COLGALT2: variants seen among roughly 807,000 people sequenced by gnomAD.
COLGALT2 encodes collagen beta(1-O)galactosyltransferase 2.
COLGALT2 carries 49 observed loss-of-function variants against 73.4 expected under a neutral mutation model. The ratio of observed to expected loss-of-function variants is 0.67; its 90% CI spans 0.53 to 0.85. The LOEUF is 0.85. Ranked by LOEUF, COLGALT2 falls within the 40% of genes least tolerant of loss-of-function variation. The pLI is 0.00. For synonymous variants in COLGALT2, 295 were observed against 307.6 expected, an observed-to-expected ratio of 0.96 and a Z score of 0.43; for missense variants, 722 against 790.2, an observed-to-expected ratio of 0.91 and a Z score of 1.03.
intron 1 of COLGALT2, among the ~76,000 whole-genome samples, chr1:183,985,043 T>C (rs1003097040): frequency 2.0e-5 from 3 of 152,214 alleles, no homozygotes; most frequent in Admixed American, 6.5e-5. Context: ...TCTAAAAACA[T>C]TGACATTTCT....
intron 7 of COLGALT2, 143 bp downstream of exon 7, chr1:183,954,619 A>C (rs1260254790): frequency 2.0e-6 from 1 of 507,584 alleles, no homozygotes; most frequent in Non-Finnish European, 3.6e-6. Flanking sequence ...AAAACCAAGT[A>C]GTTTTCCCAA....
At chr1:184,001,978 C>G (rs1671939786) in intron 1 of COLGALT2, among the ~76,000 whole-genome samples, 1 of 152,266 alleles carries the variant, frequency 6.6e-6, no homozygotes, top group Non-Finnish European at 1.5e-5. Context: ...CTTCCAAGTA[C>G]AGCCTTTGAA....
chr1:183,960,601 C>CGCAT (rs796801853), intron 6 of COLGALT2, among the ~76,000 whole-genome samples: 22 of 152,304 alleles, frequency 1.4e-4, no homozygotes, highest in African/African-American at 5.3e-4. Context: ...TCAGAGAAGA[C>CGCAT]GCATACATTA....
intron 1 of COLGALT2, among the ~76,000 whole-genome samples, chr1:183,980,339 C>T (rs1671315752): frequency 6.6e-6 from 1 of 151,866 alleles, no homozygotes; most frequent in East Asian, 1.9e-4. Flanking sequence ...CTGTAGTTAA[C>T]CTACCTAAGA....
chr1:183,949,477 G>A (rs58001669), intron 8 of COLGALT2, among the ~76,000 whole-genome samples: 2,438 of 152,262 alleles, frequency 0.016, 64 homozygotes, highest in African/African-American at 0.055. Context: ...TTCTACGAGG[G>A]AAACGAAAGT....
intron 10 of COLGALT2, among the ~76,000 whole-genome samples, chr1:183,943,254 C>G (rs1670162002): frequency 1.3e-5 from 2 of 152,182 alleles, no homozygotes; most frequent in African/African-American, 4.8e-5. Context: ...CCTGGGCCCA[C>G]AGTTAAATAC....
chr1:183,980,036 A>G (rs890679769), intron 1 of COLGALT2, among the ~76,000 whole-genome samples: 1 of 152,082 alleles, frequency 6.6e-6, no homozygotes, highest in Non-Finnish European at 1.5e-5. Context: ...TAGTGGAAAA[A>G]TAAATACAAA....
intron 10 of COLGALT2, 40 bp from the exon 11 acceptor site, chr1:183,940,827 T>C: frequency 6.6e-7 from 1 of 1,524,702 alleles, no homozygotes. Flanking sequence ...CCACCTTGAC[T>C]ATTATGCCAT....
intron 1 of COLGALT2, among the ~76,000 whole-genome samples, chr1:183,988,580 A>G (rs981375481): frequency 1.3e-5 from 2 of 152,156 alleles, no homozygotes; most frequent in African/African-American, 4.8e-5. Flanking sequence ...TTATCAATGG[A>G]ATCATATGAT....
chr1:184,017,635 G>C (rs955478069), intron 1 of COLGALT2, among the ~76,000 whole-genome samples: 3 of 152,202 alleles, frequency 2.0e-5, no homozygotes, highest in African/African-American at 7.2e-5. Flanking sequence ...TGATAGAGGG[G>C]AAGTTGGCTA....
intron 1 of COLGALT2, 121 bp downstream of exon 1, chr1:184,036,974 G>T (rs969289409): frequency 4.6e-6 from 4 of 869,156 alleles, no homozygotes; most frequent in Non-Finnish European, 4.5e-6. Context: ...CAGATTTTCC[G>T]CGTGCCCCCC....
Position 184,011,902 on chromosome 1 carries a change from G to C in COLGALT2, c.263+25193C>G, listed in dbSNP as rs899998089. ...AAAATCTTACACATTCTCTGCACTC[G>C]CACTGGCTTTTACCATAGAATATTT... On this transcript the variant is annotated intron_variant, in intron 1 of 11. Transcript: ENST00000361927. Among the ~76,000 whole-genome samples the C allele has an allele frequency of 3.3e-5, 5 of 152,120 alleles. No homozygotes were observed. In the East Asian group the frequency reaches 7.7e-4, roughly 23 times the overall value.
chr1:183,983,663 G>A (rs1274319904), intron 1 of COLGALT2, among the ~76,000 whole-genome samples: 4 of 152,142 alleles, frequency 2.6e-5, no homozygotes, highest in South Asian at 2.1e-4. Context: ...AAACCTCTGC[G>A]GCTGAGGTGG....
intron 8 of COLGALT2, among the ~76,000 whole-genome samples, chr1:183,950,430 G>T (rs1376024648): frequency 1.3e-5 from 2 of 150,086 alleles, no homozygotes; most frequent in African/African-American, 4.9e-5. Flanking sequence ...TCTATGCCTT[G>T]AAATAGTTTA....
At chr1:183,967,677 T>TTG (rs1220843693) in intron 5 of COLGALT2, among the ~76,000 whole-genome samples, 3 of 152,234 alleles carry the variant, frequency 2.0e-5, no homozygotes, top group Non-Finnish European at 4.4e-5. Context: ...ATTCGTGTAA[T>TTG]TGTTAATATC....
intron 6 of COLGALT2, among the ~76,000 whole-genome samples, chr1:183,958,134 T>C (rs1317550810): frequency 6.6e-6 from 1 of 152,090 alleles, no homozygotes; most frequent in Non-Finnish European, 1.5e-5. Flanking sequence ...ACTAAATGAG[T>C]TATCACATGA....
intron 1 of COLGALT2, among the ~76,000 whole-genome samples, chr1:184,019,033 T>C (rs1220568384): frequency 6.6e-6 from 1 of 152,212 alleles, no homozygotes; most frequent in Non-Finnish European, 1.5e-5. Flanking sequence ...GCTGAGGACC[T>C]TTCTCATGGT....
At chr1:183,941,140 A>C (rs1318186470) in intron 10 of COLGALT2, among the ~76,000 whole-genome samples, 4 of 152,230 alleles carry the variant, frequency 2.6e-5, no homozygotes, top group Non-Finnish European at 5.9e-5. Context: ...GGCACAAAAA[A>C]AGGCCAGATG....
intron 8 of COLGALT2, 85 bp from the exon 9 acceptor site, chr1:183,945,649 A>C: frequency 6.7e-7 from 1 of 1,481,778 alleles, no homozygotes; most frequent in Non-Finnish European, 9.3e-7. Flanking sequence ...TAGTTCTGCA[A>C]ACACCCCTCC....
Sources: gnomAD v4.1 joint callset for allele counts (sites outside exome capture counted in the v4.1 genomes callset) on GRCh38, gnomAD v4.1.1 for gene constraint, MANE v1.5 for transcripts, NCBI Gene and HGNC (gene_info 2026-07-23, HGNC 2026-07-21) for gene names.